Variants in RIMS1 observed in about 807,000 individuals in gnomAD.
The protein encoded by RIMS1 is regulating synaptic membrane exocytosis 1.
A neutral mutation model predicts 214.1 loss-of-function variants in RIMS1; 83 were observed. That is an observed-to-expected ratio of 0.39 (90% CI 0.32 to 0.47). The LOEUF (loss-of-function observed/expected upper bound fraction) is 0.47, where lower values mean the gene tolerates loss of function less well. Ranked by LOEUF, RIMS1 falls within the 20% of genes least tolerant of loss-of-function variation. The pLI is 0.99. For missense variants in RIMS1, 2,050 were observed against 2,161.8 expected (o/e 0.95, Z 1.03); for synonymous variants, 793 against 786.8 (o/e 1.01, Z -0.13).
rs116696801 is a variant in RIMS1, at chr6:71,956,819, A to G, written c.165-12164A>G. On this transcript the variant is annotated intron_variant, in intron 1 of 33. Coordinates refer to ENST00000521978, the MANE Select transcript of RIMS1 (RefSeq NM_014989.7). ...GCGCGAATGAATGGCTCATTCTTCAACAGCAGTTCCCAAACACCTGCTTGA... is the reference window on the plus strand; with the variant it reads ...GCGCGAATGAATGGCTCATTCTTCAGCAGCAGTTCCCAAACACCTGCTTGA... Among the ~76,000 whole-genome samples, 1,199 of 152,290 alleles carry G rather than the reference A, an allele frequency of 7.9e-3. 14 individuals are homozygous for G. The highest frequency in any genetic ancestry group is 0.027 in the African/African-American group (1,131 of 41,550).
intron 26 of RIMS1, among the ~76,000 whole-genome samples, chr6:72,293,534 A>G (rs2093700234): frequency 6.6e-6 from 1 of 151,848 alleles, no homozygotes; most frequent in African/African-American, 2.4e-5. Context: ...TTAGTTACAA[A>G]CTCGGTCTTA....
At chr6:72,392,918 T>C in intron 31 of RIMS1, 108 bp downstream of exon 31, 2 of 735,638 alleles carry the variant, frequency 2.7e-6, no homozygotes, top group East Asian at 5.4e-5. Flanking sequence ...AAGCAACATT[T>C]TAGCTACAGA....
At position 72,139,128 on chromosome 6, in the gene RIMS1, A is replaced by G. The variant is rs1273910120; in HGVS notation, c.471+39142A>G. 2.0e-5 allele frequency among the ~76,000 whole-genome samples: 3 copies of G among 152,044 alleles called. No homozygotes were observed. The East Asian group carries it at 5.8e-4, about 29-fold the overall frequency. ...TTTCTGTGTGTCTGTGTGTGTGTGTATGTGTGCATATAGTGTTGGAAGGAT... is the reference window on the plus strand; with the variant it reads ...TTTCTGTGTGTCTGTGTGTGTGTGTGTGTGTGCATATAGTGTTGGAAGGAT... On this transcript the variant is annotated intron_variant, in intron 4 of 33. Coordinates refer to ENST00000521978, the MANE Select transcript of RIMS1 (RefSeq NM_014989.7).
intron 2 of RIMS1, among the ~76,000 whole-genome samples, chr6:72,052,962 G>A (rs1197292349): frequency 6.6e-6 from 1 of 152,120 alleles, no homozygotes; most frequent in African/African-American, 2.4e-5. Context: ...CTACTATGTT[G>A]GACCACAGGG....
intron 1 of RIMS1, among the ~76,000 whole-genome samples, chr6:71,887,756 C>T (rs986996280): frequency 1.3e-5 from 2 of 152,178 alleles, no homozygotes; most frequent in Admixed American, 1.3e-4. Flanking sequence ...CAATTGCCAT[C>T]TTTGGTAACC....
At chr6:72,083,413 T>A (rs1485526826) in intron 2 of RIMS1, among the ~76,000 whole-genome samples, 1 of 152,072 alleles carries the variant, frequency 6.6e-6, no homozygotes, top group Non-Finnish European at 1.5e-5. Context: ...GTTCCACCAG[T>A]GGTTGTATCT....
At chr6:71,914,315 C>G (rs750098392) in intron 1 of RIMS1, among the ~76,000 whole-genome samples, 5 of 151,918 alleles carry the variant, frequency 3.3e-5, no homozygotes, top group Non-Finnish European at 7.4e-5. Context: ...TTCCTTCTGA[C>G]AAACAGGAAG....
chr6:72,064,348 AGAGG>A (rs1217712443), intron 2 of RIMS1, among the ~76,000 whole-genome samples: 4 of 151,562 alleles, frequency 2.6e-5, no homozygotes, highest in Admixed American at 6.6e-5. Context: ...AGAGAGAGAG[AGAGG>A]GAAGGAAGGA....
intron 29 of RIMS1, among the ~76,000 whole-genome samples, chr6:72,376,966 T>C (rs1192083046): frequency 6.6e-6 from 1 of 152,162 alleles, no homozygotes; most frequent in Non-Finnish European, 1.5e-5. Context: ...GATTCTAGGC[T>C]TACTGGAGGC....
At chr6:72,170,986 TA>T (rs1340447339) in intron 4 of RIMS1, among the ~76,000 whole-genome samples, 3 of 152,120 alleles carry the variant, frequency 2.0e-5, no homozygotes, top group African/African-American at 7.2e-5. Flanking sequence ...CCCTATTTTA[TA>T]AATGAGGATA....
At chr6:72,341,495 A>T (rs1307187329) in intron 29 of RIMS1, among the ~76,000 whole-genome samples, 2 of 151,850 alleles carry the variant, frequency 1.3e-5, no homozygotes. Flanking sequence ...TGAAGAAGAC[A>T]TCTATAAATG....
At chr6:72,008,712 C>T (rs563233966) in intron 2 of RIMS1, among the ~76,000 whole-genome samples, 8 of 152,094 alleles carry the variant, frequency 5.3e-5, no homozygotes, top group African/African-American at 1.2e-4. Flanking sequence ...CAACAAACAT[C>T]GAAAGAGACA....
At chr6:72,360,285 G>C (rs1466665204) in intron 29 of RIMS1, among the ~76,000 whole-genome samples, 1 of 152,120 alleles carries the variant, frequency 6.6e-6, no homozygotes, top group East Asian at 1.9e-4. Context: ...AATAATCATA[G>C]TTAATGCTAA....
At chr6:72,017,958 T>G (rs1813311276) in intron 2 of RIMS1, among the ~76,000 whole-genome samples, 1 of 152,196 alleles carries the variant, frequency 6.6e-6, no homozygotes, top group Non-Finnish European at 1.5e-5. Flanking sequence ...CCAAAGAGGT[T>G]TCAAAGTGGC....
At chr6:71,903,189 G>T (rs1351658635) in intron 1 of RIMS1, among the ~76,000 whole-genome samples, 1 of 152,102 alleles carries the variant, frequency 6.6e-6, no homozygotes, top group Non-Finnish European at 1.5e-5. Flanking sequence ...ACCAGCATCT[G>T]TTGTTTCTTG....
At chr6:72,121,719 C>T (rs2038364851) in intron 4 of RIMS1, among the ~76,000 whole-genome samples, 1 of 151,894 alleles carries the variant, frequency 6.6e-6, no homozygotes, top group African/African-American at 2.4e-5. Context: ...GAGAGCATCC[C>T]TGTCTTGTGC....
chr6:72,281,103 A>G (rs761910547), intron 23 of RIMS1, among the ~76,000 whole-genome samples: 17 of 152,126 alleles, frequency 1.1e-4, no homozygotes, highest in Non-Finnish European at 1.8e-4. Flanking sequence ...CATTTATGCC[A>G]GAGATACAAC....
intron 29 of RIMS1, among the ~76,000 whole-genome samples, chr6:72,372,742 GATT>G (rs1309880920): frequency 6.6e-6 from 1 of 152,208 alleles, no homozygotes; most frequent in African/African-American, 2.4e-5. Flanking sequence ...AATCTTCAGC[GATT>G]GGTTTGCTAT....
At chr6:72,378,274 A>G (rs2098424691) in intron 29 of RIMS1, among the ~76,000 whole-genome samples, 1 of 152,218 alleles carries the variant, frequency 6.6e-6, no homozygotes, top group Admixed American at 6.5e-5. Context: ...CCCAACAGGA[A>G]TTTCACAATA....
Sources: gnomAD v4.1 joint callset for allele counts (sites outside exome capture counted in the v4.1 genomes callset) on GRCh38, gnomAD v4.1.1 for gene constraint, MANE v1.5 for transcripts, NCBI Gene and HGNC (gene_info 2026-07-23, HGNC 2026-07-21) for gene names.